Variants in EYS observed in about 807,000 individuals in gnomAD.
EYS encodes the protein protein eyes shut homolog.
A neutral mutation model predicts 282.1 loss-of-function variants in EYS; 250 were observed. That is an observed-to-expected ratio of 0.89 (90% confidence interval 0.80 to 0.98). The LOEUF (loss-of-function observed/expected upper bound fraction) is 0.98, where lower values mean the gene tolerates loss of function less well. Ranked by LOEUF, EYS falls within the 50% of genes least tolerant of loss-of-function variation. The probability of loss-of-function intolerance (pLI) is 0.00; values close to 1 mark genes in which losing one functional copy is unlikely to be tolerated. For missense variants in EYS, 4,016 were observed against 3,709.0 expected (o/e 1.08, Z -2.15); for synonymous variants, 1,355 against 1,282.9 (o/e 1.06, Z -1.20).
intron 31 of EYS, among the ~76,000 whole-genome samples, chr6:64,211,253 G>T (rs1321120440): frequency 6.6e-6 from 1 of 152,100 alleles, no homozygotes; most frequent in Non-Finnish European, 1.5e-5. Flanking sequence ...TCTGAGATCT[G>T]CATTTATTTT....
In EYS at chr6:64,506,365, G is replaced by A. The variant is rs575390554; in HGVS notation, c.5645-67013C>T. Among the ~76,000 whole-genome samples the A allele has an allele frequency of 2.6e-5, 4 of 152,238 alleles. No homozygotes were observed. The South Asian group carries it at 8.3e-4, about 32-fold the overall frequency. On this transcript the variant is annotated intron_variant, in intron 26 of 42. Coordinates refer to ENST00000503581, the MANE Select transcript of EYS (RefSeq NM_001142800.2). ...TTTAAAAAAAAGTTTGGTTTGAAGAGCAAGTATTTCCTAAATGTGATAGCT... is the reference window on the plus strand; with the variant it reads ...TTTAAAAAAAAGTTTGGTTTGAAGAACAAGTATTTCCTAAATGTGATAGCT...
In EYS at chr6:64,074,434, T is replaced by G. The variant is rs145698699; in HGVS notation, c.6571+7422A>C. On this transcript the variant is annotated intron_variant, in intron 32 of 42. Transcript: ENST00000503581. ...ATTTTAGTTTGCTTAGATATTAGTT[T>G]AATTGTAGATCTGGAATTTGCTAAA... Among the ~76,000 whole-genome samples the G allele has an allele frequency of 1.0e-2, 1,513 of 151,560 alleles. 27 individuals carry two copies. Among genetic ancestry groups the G allele is most frequent in the African/African-American group, 0.034 (1,431 of 41,496 alleles).
At chr6:65,410,245 C>T (rs937800985) in intron 5 of EYS, among the ~76,000 whole-genome samples, 5 of 152,098 alleles carry the variant, frequency 3.3e-5, no homozygotes, top group Non-Finnish European at 7.4e-5. Context: ...GAGGTCTATT[C>T]TTACCCAGTT....
intron 1 of EYS, among the ~76,000 whole-genome samples, chr6:65,652,557 T>G (rs1446082663): frequency 6.6e-6 from 1 of 151,960 alleles, no homozygotes; most frequent in African/African-American, 2.4e-5. Context: ...TTCTGTGTAG[T>G]TAGTGTAAAT....
At chr6:64,799,294 A>G (rs1410902273) in intron 22 of EYS, among the ~76,000 whole-genome samples, 1 of 151,838 alleles carries the variant, frequency 6.6e-6, no homozygotes, top group East Asian at 1.9e-4. Flanking sequence ...AAATATATCA[A>G]TGTGATAAGC....
intron 31 of EYS, among the ~76,000 whole-genome samples, chr6:64,160,387 A>G (rs1339341025): frequency 1.3e-5 from 2 of 152,138 alleles, no homozygotes; most frequent in Non-Finnish European, 2.9e-5. Context: ...TTTTCTTAAG[A>G]AATTATATCG....
chr6:64,356,308 C>A (rs647184), intron 29 of EYS, among the ~76,000 whole-genome samples: 10 of 151,144 alleles, frequency 6.6e-5, no homozygotes, highest in African/African-American at 2.4e-4. Context: ...AAAAAGACAA[C>A]GTGTTCAATA....
chr6:64,293,803 T>G (rs1046325428), intron 30 of EYS, among the ~76,000 whole-genome samples: 13 of 152,152 alleles, frequency 8.5e-5, no homozygotes, highest in Non-Finnish European at 1.6e-4. Context: ...TTTGCAATGT[T>G]CCTACTATTT....
chr6:65,221,257 G>GA (rs199860491), intron 12 of EYS, among the ~76,000 whole-genome samples: 3,202 of 152,264 alleles, frequency 0.021, 118 homozygotes, highest in African/African-American at 0.073. Flanking sequence ...AGACAATGGG[G>GA]AAAATGCCTT....
chr6:64,892,890 A>T (rs11964721), intron 18 of EYS, among the ~76,000 whole-genome samples: 9,965 of 152,106 alleles, frequency 0.066, 447 homozygotes, highest in African/African-American at 0.12. Flanking sequence ...ATCACTTTTA[A>T]ATTTGTAACA....
intron 16 of EYS, among the ~76,000 whole-genome samples, chr6:64,904,413 T>A (rs979011252): frequency 1.3e-5 from 2 of 152,334 alleles, no homozygotes; most frequent in East Asian, 1.9e-4. Flanking sequence ...GTGAGCAAGT[T>A]GTAATTGTTC....
intron 1 of EYS, among the ~76,000 whole-genome samples, chr6:65,689,604 T>C (rs1033327209): frequency 3.3e-5 from 5 of 150,272 alleles, no homozygotes; most frequent in African/African-American, 1.2e-4. Flanking sequence ...TGCTGTGATA[T>C]ATATGAATAT....
At chr6:64,063,065 T>C (rs1771234610) in intron 33 of EYS, among the ~76,000 whole-genome samples, 1 of 152,176 alleles carries the variant, frequency 6.6e-6, no homozygotes, top group African/African-American at 2.4e-5. Context: ...TACTTACTCC[T>C]TGTCAGACTC....
chr6:64,797,156 T>A (rs146607038), intron 22 of EYS, among the ~76,000 whole-genome samples: 17 of 152,220 alleles, frequency 1.1e-4, no homozygotes, highest in African/African-American at 3.8e-4. Context: ...ACATATGCTA[T>A]GCAGAGTTTG....
At chr6:63,896,802 A>G (rs1249476837) in intron 35 of EYS, among the ~76,000 whole-genome samples, 1 of 152,182 alleles carries the variant, frequency 6.6e-6, no homozygotes, top group Non-Finnish European at 1.5e-5. Context: ...CGTTGAAGTC[A>G]TACAGTATGT....
intron 19 of EYS, among the ~76,000 whole-genome samples, chr6:64,836,073 T>C (rs1765373279): frequency 2.7e-5 from 4 of 149,268 alleles, no homozygotes; most frequent in African/African-American, 1.0e-4. Flanking sequence ...AATCTCATAA[T>C]CGTAATTTTT....
chr6:65,594,747 G>A (rs1268949252), intron 2 of EYS, among the ~76,000 whole-genome samples: 1 of 152,062 alleles, frequency 6.6e-6, no homozygotes, highest in Non-Finnish European at 1.5e-5. Context: ...CCATGCCTAT[G>A]TCCTGAATGG....
At chr6:64,735,546 C>T (rs1583096411) in intron 22 of EYS, among the ~76,000 whole-genome samples, 1 of 152,130 alleles carries the variant, frequency 6.6e-6, no homozygotes, top group East Asian at 1.9e-4. Flanking sequence ...ATAACTTATA[C>T]TTTGTCTTAT....
rs78608292 is a variant in EYS at position 65,147,813 on chromosome 6, A to T, written c.2024-90086T>A. 3.3e-5 allele frequency among the ~76,000 whole-genome samples: 5 copies of T among 152,224 alleles called. No individual in the cohort carries two copies. In the East Asian group the frequency reaches 9.7e-4, roughly 30 times the overall value. ...GACCCACAGTTCCGCATGACTGGGG[A>T]TGCCTCAGGAATCTTACAAGCATGG... is the stretch of plus-strand genomic sequence containing the variant. On this transcript the variant is annotated intron_variant, in intron 12 of 42. Coordinates refer to ENST00000503581, the MANE Select transcript of EYS (RefSeq NM_001142800.2).
Sources: allele counts gnomAD v4.1 joint callset (sites outside exome capture counted in the v4.1 genomes callset), GRCh38; gene constraint gnomAD v4.1.1; transcripts MANE v1.5; gene names NCBI Gene and HGNC (gene_info 2026-07-23, HGNC 2026-07-21).